Variants in UGT1A9 observed in about 807,000 individuals in gnomAD.
UGT1A9 encodes UDP glucuronosyltransferase family 1 member A9.
In UGT1A9, 35 loss-of-function variants were observed where a neutral mutation model predicts 45.0. The observed-to-expected ratio is 0.78, with a 90% CI of 0.59 to 1.03. The LOEUF is 1.03. Ranked by LOEUF, UGT1A9 falls within the 50% of genes least tolerant of loss-of-function variation. The probability of loss-of-function intolerance (pLI) is 0.00; values close to 1 mark genes in which losing one functional copy is unlikely to be tolerated. For synonymous variants in UGT1A9, 278 were observed against 250.6 expected, an observed-to-expected ratio of 1.11 and a Z score of -1.03; for missense variants, 687 against 666.6, an observed-to-expected ratio of 1.03 and a Z score of -0.34.
chr2:233,687,395 A>G (rs1354430386), intron 1 of UGT1A9, among the ~76,000 whole-genome samples: 1 of 152,114 alleles, frequency 6.6e-6, no homozygotes, highest in East Asian at 1.9e-4. Flanking sequence ...TAAATATAAT[A>G]AAAGCTAACA....
chr2:233,709,104 A>G (rs28898589), intron 1 of UGT1A9, among the ~76,000 whole-genome samples: 3,803 of 152,176 alleles, frequency 0.025, 69 homozygotes, highest in South Asian at 0.043. Context: ...TCACATGCCC[A>G]TCTCTGAACT....
intron 1 of UGT1A9, chr2:233,747,303 G>T (rs1693616830): frequency 2.5e-6 from 4 of 1,602,128 alleles, no homozygotes; most frequent in Non-Finnish European, 2.6e-6. Context: ...AGAGTGGGAA[G>T]GTGCTGGTGG....
intron 1 of UGT1A9, among the ~76,000 whole-genome samples, chr2:233,739,404 C>T (rs1454262492): frequency 2.0e-5 from 3 of 152,174 alleles, no homozygotes; most frequent in Admixed American, 2.0e-4. Flanking sequence ...ATCAATGCCA[C>T]CCTCTGAAAG....
rs557222655 is a variant in UGT1A9 at position 233,742,227 on chromosome 2, CCAAA to C, written c.856-24804_856-24801del. 1.9e-3 allele frequency among the ~76,000 whole-genome samples: 286 copies of C among 151,916 alleles called. 2 individuals carry two copies. The highest frequency in any genetic ancestry group is 3.7e-3 in the Admixed American group (56 of 15,294). ...CTCACAGCCTTCAGGGCTGAGAGCCCCAAACAGAGATTTACCCACATATTTATTG... is the reference window on the plus strand; with the variant it reads ...CTCACAGCCTTCAGGGCTGAGAGCCCCAGAGATTTACCCACATATTTATTG... On this transcript the variant is annotated intron_variant, in intron 1 of 4. Coordinates refer to ENST00000354728, the MANE Select transcript of UGT1A9 (RefSeq NM_021027.3).
chr2:233,729,876 T>A, intron 1 of UGT1A9: 1 of 1,597,258 alleles, frequency 6.3e-7, no homozygotes, highest in South Asian at 1.1e-5. Context: ...ATATTCTCAG[T>A]CATGCATCTG....
At chr2:233,675,038 T>C (rs1053118583) in intron 1 of UGT1A9, among the ~76,000 whole-genome samples, 4 of 152,176 alleles carry the variant, frequency 2.6e-5, no homozygotes, top group African/African-American at 7.2e-5. Context: ...TTTGCACATG[T>C]ATGTGTTTGT....
chr2:233,686,836 A>G (rs751919784), intron 1 of UGT1A9, among the ~76,000 whole-genome samples: 32 of 151,862 alleles, frequency 2.1e-4, no homozygotes, highest in Non-Finnish European at 1.0e-4. Flanking sequence ...CCTCTTTTCT[A>G]TCTCCTTCCC....
intron 1 of UGT1A9, chr2:233,752,526 A>C (rs1482911253): frequency 2.0e-5 from 3 of 152,234 alleles, no homozygotes; most frequent in Non-Finnish European, 4.4e-5. Context: ...AATTCTAAAA[A>C]TTCTTTAAAT....
At chr2:233,693,836 A>C in intron 1 of UGT1A9, 1 of 1,614,182 alleles carries the variant, frequency 6.2e-7, no homozygotes, top group Non-Finnish European at 8.5e-7. Flanking sequence ...TGGAGGTATC[A>C]ACTGTAAGAA....
intron 1 of UGT1A9, chr2:233,682,159 G>A: frequency 6.2e-7 from 1 of 1,614,210 alleles, no homozygotes; most frequent in South Asian, 1.1e-5. Flanking sequence ...ATTGCACAGT[G>A]AAGACTTACT....
At chr2:233,702,470 T>C (rs1388086683) in intron 1 of UGT1A9, among the ~76,000 whole-genome samples, 1 of 152,192 alleles carries the variant, frequency 6.6e-6, no homozygotes, top group Non-Finnish European at 1.5e-5. Context: ...CTTATCTAAT[T>C]GCCCTGGCTT....
chr2:233,701,815 T>A (rs569445521), intron 1 of UGT1A9, among the ~76,000 whole-genome samples: 1 of 152,092 alleles, frequency 6.6e-6, no homozygotes, highest in African/African-American at 2.4e-5. Context: ...AGACACAACA[T>A]ACCAGAATCT....
At chr2:233,719,461 T>C (rs1219690957) in intron 1 of UGT1A9, 1 of 1,613,972 alleles carries the variant, frequency 6.2e-7, no homozygotes, top group Non-Finnish European at 8.5e-7. Context: ...GTCAAGAACA[T>C]GCTCTACCCT....
chr2:233,716,179 G>A (rs1395274719), intron 1 of UGT1A9, among the ~76,000 whole-genome samples: 1 of 152,128 alleles, frequency 6.6e-6, no homozygotes, highest in Non-Finnish European at 1.5e-5. Flanking sequence ...GCATCTTCAA[G>A]TCTCTAATTC....
intron 1 of UGT1A9, chr2:233,718,019 C>T: frequency 2.6e-6 from 1 of 391,762 alleles, no homozygotes; most frequent in Non-Finnish European, 5.1e-6. Flanking sequence ...GGCTCCAGCT[C>T]CCCAGGTCCT....
chr2:233,678,086 T>C (rs1428829257), intron 1 of UGT1A9, among the ~76,000 whole-genome samples: 1 of 152,170 alleles, frequency 6.6e-6, no homozygotes, highest in African/African-American at 2.4e-5. Flanking sequence ...CAAATACCAT[T>C]GTTTTCACTT....
intron 1 of UGT1A9, among the ~76,000 whole-genome samples, chr2:233,700,247 A>G (rs1441280800): frequency 6.6e-6 from 1 of 152,230 alleles, no homozygotes; most frequent in Non-Finnish European, 1.5e-5. Flanking sequence ...AAAAGCCCCA[A>G]AATGCCAAGT....
chr2:233,688,142 T>C (rs2074879720), intron 1 of UGT1A9, among the ~76,000 whole-genome samples: 1 of 152,238 alleles, frequency 6.6e-6, no homozygotes, highest in African/African-American at 2.4e-5. Context: ...TCTGTCTGTA[T>C]GGATTTGCCT....
intron 1 of UGT1A9, chr2:233,690,549 G>A: frequency 7.8e-7 from 1 of 1,289,414 alleles, no homozygotes; most frequent in Non-Finnish European, 1.0e-6. Context: ...ACTGGAATAT[G>A]TCCCAAGCCT....
Sources: gnomAD v4.1 joint callset for allele counts (sites outside exome capture counted in the v4.1 genomes callset) on GRCh38, gnomAD v4.1.1 for gene constraint, MANE v1.5 for transcripts, NCBI Gene and HGNC (gene_info 2026-07-23, HGNC 2026-07-21) for gene names.